The following EXOC4 variants were observed in gnomAD, a reference collection of about 807,000 sequenced individuals.
The protein encoded by EXOC4 is SEC8-like 1.
A neutral mutation model predicts 107.2 loss-of-function variants in EXOC4; 71 were observed. The observed-to-expected ratio is 0.66, with a 90% CI of 0.55 to 0.81. The LOEUF is 0.81. Ranked by LOEUF, EXOC4 falls within the 30% of genes least tolerant of loss-of-function variation. The pLI, the probability that EXOC4 is intolerant of heterozygous loss-of-function variation, is 0.00. For missense variants in EXOC4, 1,108 were observed against 1,189.6 expected (o/e 0.93, Z 1.01); for synonymous variants, 456 against 441.2 (o/e 1.03, Z -0.42).
chr7:133,340,511 G>T (rs1278256041), intron 5 of EXOC4, among the ~76,000 whole-genome samples: 1 of 151,014 alleles, frequency 6.6e-6, no homozygotes, highest in Non-Finnish European at 1.5e-5. Context: ...CCCTTTCCTG[G>T]TTTTGGTAAT....
At chr7:133,936,322 G>A (rs901262600) in intron 13 of EXOC4, among the ~76,000 whole-genome samples, 11 of 152,196 alleles carry the variant, frequency 7.2e-5, no homozygotes, top group South Asian at 2.1e-4. Flanking sequence ...TTTAGATAAC[G>A]ATTTGATTCA....
At chr7:133,506,563 A>T (rs1165385642) in intron 9 of EXOC4, among the ~76,000 whole-genome samples, 1 of 152,270 alleles carries the variant, frequency 6.6e-6, no homozygotes, top group South Asian at 2.1e-4. Context: ...TTTTATGAAC[A>T]TCTGTGATAC....
At chr7:133,409,938 G>C (rs1797319388) in intron 7 of EXOC4, among the ~76,000 whole-genome samples, 1 of 152,026 alleles carries the variant, frequency 6.6e-6, no homozygotes, top group Non-Finnish European at 1.5e-5. Context: ...CAATAGTTAG[G>C]CTATCTGTAT....
At chr7:133,690,977 G>A (rs765991729) in intron 10 of EXOC4, among the ~76,000 whole-genome samples, 1 of 152,102 alleles carries the variant, frequency 6.6e-6, no homozygotes, top group Non-Finnish European at 1.5e-5. Flanking sequence ...CCGGAAGTAC[G>A]GAGCACCCTC....
intron 14 of EXOC4, among the ~76,000 whole-genome samples, chr7:133,986,793 A>T (rs1284965880): frequency 6.6e-6 from 1 of 152,236 alleles, no homozygotes; most frequent in East Asian, 1.9e-4. Context: ...CAGAGAAATT[A>T]TGAAGACTGG....
intron 5 of EXOC4, among the ~76,000 whole-genome samples, chr7:133,338,705 G>A (rs1043632877): frequency 6.7e-6 from 1 of 149,400 alleles, no homozygotes; most frequent in East Asian, 1.9e-4. Flanking sequence ...TGAGATTTTG[G>A]TGCACCCACA....
intron 9 of EXOC4, among the ~76,000 whole-genome samples, chr7:133,495,900 A>G (rs73726912): frequency 0.065 from 9,839 of 152,182 alleles, 1,107 homozygotes; most frequent in African/African-American, 0.22. Context: ...CATTATAGAA[A>G]TTGATAAGAA....
At chr7:133,420,922 TTGTACTCTC>T (rs962452378) in intron 7 of EXOC4, among the ~76,000 whole-genome samples, 2 of 151,200 alleles carry the variant, frequency 1.3e-5, no homozygotes, top group African/African-American at 4.9e-5. Context: ...TGTAGTGCTG[TTGTACTCTC>T]TGAGAGAGTT....
chr7:133,561,535 A>G (rs1288624943), intron 9 of EXOC4, among the ~76,000 whole-genome samples: 1 of 152,168 alleles, frequency 6.6e-6, no homozygotes, highest in Non-Finnish European at 1.5e-5. Context: ...CTATTTCTTG[A>G]TTGCCTAAGA....
intron 5 of EXOC4, among the ~76,000 whole-genome samples, chr7:133,354,511 G>A (rs911850460): frequency 6.6e-6 from 1 of 152,200 alleles, no homozygotes; most frequent in South Asian, 2.1e-4. Context: ...AAAACGGGGA[G>A]CAAGAGAAAA....
At chr7:134,040,469 C>T (rs1419031657) in intron 17 of EXOC4, among the ~76,000 whole-genome samples, 1 of 152,186 alleles carries the variant, frequency 6.6e-6, no homozygotes, top group Non-Finnish European at 1.5e-5. Context: ...ACTCCCACCC[C>T]TCCTCTGGAA....
intron 10 of EXOC4, among the ~76,000 whole-genome samples, chr7:133,720,197 A>T (rs966713853): frequency 6.6e-6 from 1 of 152,124 alleles, no homozygotes; most frequent in Non-Finnish European, 1.5e-5. Context: ...CCAATAAAGG[A>T]TTATGTTCTG....
intron 1 of EXOC4, among the ~76,000 whole-genome samples, chr7:133,260,851 C>T (rs755407734): frequency 2.0e-5 from 3 of 151,820 alleles, no homozygotes; most frequent in Admixed American, 6.6e-5. Context: ...GGTCAGATTT[C>T]TATTTTAGGC....
At chr7:133,682,706 T>C (rs1368621834) in intron 10 of EXOC4, among the ~76,000 whole-genome samples, 1 of 152,186 alleles carries the variant, frequency 6.6e-6, no homozygotes, top group Admixed American at 6.6e-5. Context: ...ACCTTTCTCA[T>C]GCACACATTA....
chr7:133,386,252 T>C (rs1796723792), intron 7 of EXOC4, among the ~76,000 whole-genome samples: 1 of 152,204 alleles, frequency 6.6e-6, no homozygotes, highest in Non-Finnish European at 1.5e-5. Context: ...GGCTTCAGAT[T>C]AGATCAACTG....
At chr7:133,543,762 C>T (rs1262706376) in intron 9 of EXOC4, among the ~76,000 whole-genome samples, 2 of 152,052 alleles carry the variant, frequency 1.3e-5, no homozygotes, top group Admixed American at 6.6e-5. Flanking sequence ...CTTTGAGATC[C>T]TCAAACTGAA....
intron 10 of EXOC4, among the ~76,000 whole-genome samples, chr7:133,794,630 G>A (rs1796775120): frequency 6.6e-6 from 1 of 152,092 alleles, no homozygotes; most frequent in South Asian, 2.1e-4. Flanking sequence ...CAGCCCAGAT[G>A]TTCCTTCTGT....
At position 133,917,624 on chromosome 7, in the gene EXOC4, C is replaced by G; in HGVS notation, c.1913C>G (p.Ser638Cys). 6.2e-7 allele frequency: 1 copy of G among 1,614,034 alleles called. No individual in the cohort carries two copies. The highest frequency in any genetic ancestry group is 1.3e-5 in the African/African-American group (1 of 75,022). Residue 638 changes from serine (S) to cysteine (C), a missense_variant, in exon 13 of 18, where the codon TCC (serine) becomes TGC (cysteine). Transcript: ENST00000253861. Reference sequence around the variant, plus strand: ...GAAGAAAAACTTGTCATCAGTGCATCCTGGGCAAAAGATGATGATATCAGC... The same window carrying G: ...GAAGAAAAACTTGTCATCAGTGCATGCTGGGCAAAAGATGATGATATCAGC... Reference protein sequence around the residue: ...QSEEKLVISASWAKDDDISRL... With the variant: ...QSEEKLVISACWAKDDDISRL...
chr7:133,693,598 TCAAA>T (rs1333771712), intron 10 of EXOC4, among the ~76,000 whole-genome samples: 1 of 152,088 alleles, frequency 6.6e-6, no homozygotes, highest in South Asian at 2.1e-4. Context: ...TAGCCACGAT[TCAAA>T]CAAACCCAGG....
Sources: allele counts gnomAD v4.1 joint callset (sites outside exome capture counted in the v4.1 genomes callset), GRCh38; gene constraint gnomAD v4.1.1; transcripts MANE v1.5; gene names NCBI Gene and HGNC (gene_info 2026-07-23, HGNC 2026-07-21).